The following DOCK8 variants were observed in gnomAD, a reference collection of about 807,000 sequenced individuals.
The protein encoded by DOCK8 is dedicator of cytokinesis 8, also known as dedicator of cytokinesis protein 8.
In DOCK8, 141 loss-of-function variants were observed where a neutral mutation model predicts 245.6. The observed-to-expected ratio is 0.57, with a 90% CI of 0.50 to 0.66. The LOEUF (loss-of-function observed/expected upper bound fraction) is 0.66, where lower values mean the gene tolerates loss of function less well. Among genes scored for constraint, DOCK8 ranks in the 30% least tolerant of loss-of-function variants. The pLI, the probability that DOCK8 is intolerant of heterozygous loss-of-function variation, is 0.00. For synonymous variants in DOCK8, 1,168 were observed against 970.2 expected, an observed-to-expected ratio of 1.20 and a Z score of -3.79; for missense variants, 2,965 against 2,603.4, an observed-to-expected ratio of 1.14 and a Z score of -3.02.
chr9:282,427 T>A, intron 2 of DOCK8, among the ~76,000 whole-genome samples: 1 of 150,692 alleles, frequency 6.6e-6, no homozygotes, highest in South Asian at 2.1e-4. Context: ...TTTTTTTTTT[T>A]TTGGTTTTCT....
At chr9:231,189 T>G (rs1290925042) in intron 1 of DOCK8, among the ~76,000 whole-genome samples, 8 of 152,148 alleles carry the variant, frequency 5.3e-5, no homozygotes, top group Admixed American at 5.2e-4. Context: ...TTTTGTCAGG[T>G]TTGTCAAGGA....
intron 39 of DOCK8, among the ~76,000 whole-genome samples, chr9:437,952 T>A (rs1208554021): frequency 6.6e-6 from 1 of 152,244 alleles, no homozygotes; most frequent in Non-Finnish European, 1.5e-5. Flanking sequence ...GAAAATTGCA[T>A]ACATTCTAAT....
At chr9:350,058 G>T (rs1337065177) in intron 14 of DOCK8, among the ~76,000 whole-genome samples, 3 of 152,092 alleles carry the variant, frequency 2.0e-5, no homozygotes, top group Non-Finnish European at 4.4e-5. Flanking sequence ...ATCTCCTTGT[G>T]CTCCTCAAGT....
At chr9:251,857 C>T (rs1178601821) in intron 1 of DOCK8, among the ~76,000 whole-genome samples, 4 of 152,066 alleles carry the variant, frequency 2.6e-5, no homozygotes, top group African/African-American at 9.7e-5. Context: ...ATTAAAGATA[C>T]GCTCATGTTA....
chr9:224,018 C>T (rs993983585), intron 1 of DOCK8, among the ~76,000 whole-genome samples: 5 of 152,018 alleles, frequency 3.3e-5, no homozygotes, highest in Admixed American at 6.6e-5. Context: ...AACATATAGC[C>T]GTGAAATAAC....
intron 25 of DOCK8, among the ~76,000 whole-genome samples, chr9:398,645 C>G (rs1057320272): frequency 5.9e-5 from 9 of 152,154 alleles, no homozygotes; most frequent in African/African-American, 1.9e-4. Flanking sequence ...ACTCTGACCT[C>G]TCTTAGGCTG....
intron 46 of DOCK8, among the ~76,000 whole-genome samples, chr9:455,767 A>AAAT (rs1564089867): frequency 6.6e-6 from 1 of 151,566 alleles, no homozygotes; most frequent in African/African-American, 2.4e-5. Context: ...TTCCTCCCAA[A>AAAT]AAATAAATAA....
intron 42 of DOCK8, 57 bp from the exon 43 acceptor site, chr9:443,370 C>A: frequency 6.6e-7 from 1 of 1,508,170 alleles, no homozygotes; most frequent in Non-Finnish European, 9.2e-7. Context: ...TCCAAGAAGA[C>A]AAAGAGTTGC....
intron 26 of DOCK8, 86 bp from the exon 27 acceptor site, chr9:404,832 G>A (rs2055338090): frequency 4.1e-6 from 6 of 1,446,156 alleles, no homozygotes; most frequent in Non-Finnish European, 5.8e-6. Flanking sequence ...TTAACCTGGA[G>A]AGAAAGGATA....
intron 25 of DOCK8, among the ~76,000 whole-genome samples, chr9:397,750 T>C (rs1041511648): frequency 3.9e-5 from 6 of 152,066 alleles, no homozygotes; most frequent in African/African-American, 1.4e-4. Flanking sequence ...CCTTGAAGTG[T>C]TATGGGGTAA....
chr9:397,045 T>A, intron 25 of DOCK8, 111 bp downstream of exon 25: 1 of 1,252,770 alleles, frequency 8.0e-7, no homozygotes, highest in Non-Finnish European at 1.1e-6. Flanking sequence ...AATATAACTG[T>A]AATGACAGTT....
intron 33 of DOCK8, 148 bp downstream of exon 33, chr9:422,283 C>T (rs192190020): frequency 2.6e-6 from 2 of 768,424 alleles, no homozygotes; most frequent in South Asian, 1.5e-5. Context: ...ATCCAGGGAC[C>T]CAGGATAATC....
intron 19 of DOCK8, 22 bp from the exon 20 acceptor site, chr9:376,955 G>A (rs1290798763): frequency 1.1e-5 from 18 of 1,606,288 alleles, no homozygotes; most frequent in East Asian, 4.5e-5. Context: ...AACCCCATGA[G>A]GCCTGCCTTC....
intron 4 of DOCK8, among the ~76,000 whole-genome samples, chr9:298,341 C>A: frequency 6.6e-6 from 1 of 152,304 alleles, no homozygotes; most frequent in East Asian, 1.9e-4. Flanking sequence ...AGGAGAATTG[C>A]TTCAACTCGG....
At chr9:415,757 G>T (rs980169992) in intron 29 of DOCK8, among the ~76,000 whole-genome samples, 1 of 151,934 alleles carries the variant, frequency 6.6e-6, no homozygotes, top group East Asian at 2.0e-4. Flanking sequence ...CAGCTCAAGG[G>T]AAGTTTTGGA....
At chr9:367,889 T>C (rs2053085766) in intron 14 of DOCK8, 129 bp from the exon 15 acceptor site, 2 of 740,132 alleles carry the variant, frequency 2.7e-6, no homozygotes, top group Non-Finnish European at 4.8e-6. Context: ...CCAATAATAA[T>C]TCACTTCTGA....
intron 2 of DOCK8, among the ~76,000 whole-genome samples, chr9:285,661 A>T (rs140091043): frequency 1.3e-5 from 2 of 152,338 alleles, no homozygotes; most frequent in South Asian, 2.1e-4. Context: ...AAGGTTGCCA[A>T]CTTTTTATCA....
intron 4 of DOCK8, among the ~76,000 whole-genome samples, chr9:293,334 G>A (rs867819721): frequency 6.6e-6 from 1 of 152,190 alleles, no homozygotes; most frequent in Non-Finnish European, 1.5e-5. Context: ...TATCTGTGGG[G>A]AGAATCCAGT....
intron 46 of DOCK8, chr9:460,330 T>C (rs1042669055): frequency 2.0e-5 from 3 of 152,212 alleles, no homozygotes; most frequent in African/African-American, 7.2e-5. Flanking sequence ...TTTAGCTGAT[T>C]TTACCAAAGT....
Sources: gnomAD v4.1 joint callset for allele counts (sites outside exome capture counted in the v4.1 genomes callset) on GRCh38, gnomAD v4.1.1 for gene constraint, MANE v1.5 for transcripts, NCBI Gene and HGNC (gene_info 2026-07-23, HGNC 2026-07-21) for gene names.